NFATC3: variants seen among roughly 807,000 people sequenced by gnomAD.
NFATC3 encodes nuclear factor of activated T cells 3, also known as nuclear factor of activated T-cells, cytoplasmic 3.
NFATC3 carries 46 observed loss-of-function variants against 98.6 expected under a neutral mutation model. The observed-to-expected ratio is 0.47, with a 90% CI of 0.37 to 0.60. The LOEUF (loss-of-function observed/expected upper bound fraction) is 0.60. Among genes scored for constraint, NFATC3 ranks in the 20% least tolerant of loss-of-function variants. The pLI is 0.00. For missense variants in NFATC3, 1,256 were observed against 1,295.5 expected (o/e 0.97, Z 0.47); for synonymous variants, 512 against 472.2 (o/e 1.08, Z -1.09).
intron 8 of NFATC3, among the ~76,000 whole-genome samples, chr16:68,184,045 A>G (rs1375109821): frequency 6.6e-6 from 1 of 151,942 alleles, no homozygotes; most frequent in Non-Finnish European, 1.5e-5. Context: ...TTTAACAGAA[A>G]GGTAACATGA....
At chr16:68,221,663 T>G (rs944421603) in intron 9 of NFATC3, 2 of 826,984 alleles carry the variant, frequency 2.4e-6, no homozygotes, top group Non-Finnish European at 2.9e-6. Context: ...TAGTATAATG[T>G]ATAGTTGAGT....
chr16:68,123,176 G>T, intron 2 of NFATC3, 55 bp downstream of exon 2: 1 of 1,513,304 alleles, frequency 6.6e-7, no homozygotes, highest in Non-Finnish European at 8.8e-7. Context: ...GTCATTGGTG[G>T]CATATAACTA....
chr16:68,208,765 A>AT (rs1357875531), intron 9 of NFATC3, among the ~76,000 whole-genome samples: 2 of 151,780 alleles, frequency 1.3e-5, no homozygotes, highest in Non-Finnish European at 2.9e-5. Context: ...TGTTTTCTTA[A>AT]TTTTTTTTGG....
intron 1 of NFATC3, among the ~76,000 whole-genome samples, chr16:68,121,168 T>TC (rs1273428084): frequency 6.7e-6 from 1 of 150,114 alleles, no homozygotes; most frequent in Admixed American, 6.7e-5. Flanking sequence ...CTGTGTCCCC[T>TC]CCCCCTTTTT....
intron 9 of NFATC3, among the ~76,000 whole-genome samples, chr16:68,196,213 A>G (rs1439797155): frequency 6.6e-6 from 1 of 151,672 alleles, no homozygotes; most frequent in Non-Finnish European, 1.5e-5. Flanking sequence ...TCTACCTACC[A>G]GGTTCAAGAG....
chr16:68,111,480 T>C (rs968418606), intron 1 of NFATC3, among the ~76,000 whole-genome samples: 1 of 152,186 alleles, frequency 6.6e-6, no homozygotes, highest in African/African-American at 2.4e-5. Flanking sequence ...GCTTTGTAAA[T>C]TTTCCTCCAT....
chr16:68,136,081 AG>A (rs1418284482), intron 3 of NFATC3, among the ~76,000 whole-genome samples: 3 of 152,308 alleles, frequency 2.0e-5, no homozygotes, highest in African/African-American at 7.2e-5. Flanking sequence ...AAAAGAAGAA[AG>A]AAAGAAAAAT....
intron 8 of NFATC3, among the ~76,000 whole-genome samples, chr16:68,185,788 G>A (rs902681037): frequency 9.3e-5 from 14 of 151,040 alleles, no homozygotes; most frequent in African/African-American, 2.7e-4. Context: ...GCATGAACCC[G>A]GGAGGTGGAG....
At chr16:68,125,051 G>C (rs1470347622) in intron 2 of NFATC3, among the ~76,000 whole-genome samples, 1 of 152,144 alleles carries the variant, frequency 6.6e-6, no homozygotes, top group Admixed American at 6.5e-5. Flanking sequence ...TCATTAGTGT[G>C]AATCTTTATT....
chr16:68,226,349 G>A lies in NFATC3; in HGVS notation c.3107-1G>A. The A allele has an allele frequency of 6.4e-7, 1 of 1,571,222 alleles. No homozygotes were observed. The highest frequency in any genetic ancestry group is 2.0e-5 in the Admixed American group (1 of 50,860). ...TCACTCTCCCTTTTCTTGTTTTTCA[G>A]TGAACGAGATAATTGGGAGAGACAT... is the stretch of plus-strand genomic sequence containing the variant. On this transcript the variant is annotated splice_acceptor_variant, in intron 9 of 9. Coordinates refer to ENST00000346183, the MANE Select transcript of NFATC3 (RefSeq NM_173165.3). LOFTEE classifies it high-confidence loss of function.
At chr16:68,178,319 C>T (rs1214598011) in intron 6 of NFATC3, among the ~76,000 whole-genome samples, 1 of 152,178 alleles carries the variant, frequency 6.6e-6, no homozygotes, top group East Asian at 1.9e-4. Flanking sequence ...TCTCTTTGAG[C>T]TGGAAGTATG....
chr16:68,217,324 C>T (rs937908726), intron 9 of NFATC3, among the ~76,000 whole-genome samples: 2 of 151,624 alleles, frequency 1.3e-5, no homozygotes, highest in Admixed American at 1.3e-4. Flanking sequence ...CCCAGCTACT[C>T]GGGAGGCTGA....
intron 3 of NFATC3, among the ~76,000 whole-genome samples, chr16:68,140,255 G>T (rs1464788924): frequency 6.6e-6 from 1 of 152,114 alleles, no homozygotes; most frequent in Non-Finnish European, 1.5e-5. Flanking sequence ...CCCACGTTGG[G>T]ATTACTGGCA....
intron 3 of NFATC3, chr16:68,138,417 C>A: frequency 1.1e-6 from 1 of 885,090 alleles, no homozygotes; most frequent in Non-Finnish European, 1.5e-6. Context: ...GGTAGCCTAA[C>A]TACTGTAACT....
intron 3 of NFATC3, among the ~76,000 whole-genome samples, chr16:68,151,676 TATC>T (rs1042826552): frequency 4.6e-5 from 7 of 152,278 alleles, no homozygotes; most frequent in African/African-American, 1.7e-4. Flanking sequence ...GCACCCCACT[TATC>T]ATGTTGACAA....
At chr16:68,221,632 T>G (rs1037872802) in intron 9 of NFATC3, 2 of 1,024,044 alleles carry the variant, frequency 2.0e-6, no homozygotes, top group Non-Finnish European at 2.4e-6. Flanking sequence ...TGCTGGTGAA[T>G]TCATAAATAA....
chr16:68,163,836 G>T (rs1230384003), intron 4 of NFATC3, among the ~76,000 whole-genome samples: 5 of 151,236 alleles, frequency 3.3e-5, no homozygotes, highest in Non-Finnish European at 7.4e-5. Context: ...TCACTTCCTA[G>T]ATGGGATGGC....
chr16:68,175,085 T>C (rs897307521), intron 6 of NFATC3, among the ~76,000 whole-genome samples: 1 of 152,242 alleles, frequency 6.6e-6, no homozygotes, highest in Non-Finnish European at 1.5e-5. Context: ...GGAATATTAC[T>C]TGGTTATAAA....
At chr16:68,203,244 C>T (rs772226043) in intron 9 of NFATC3, among the ~76,000 whole-genome samples, 4 of 152,178 alleles carry the variant, frequency 2.6e-5, no homozygotes, top group Non-Finnish European at 4.4e-5. Context: ...ATATCGAATG[C>T]GTCTGTGTAT....
Sources: gnomAD v4.1 joint callset for allele counts (sites outside exome capture counted in the v4.1 genomes callset) on GRCh38, gnomAD v4.1.1 for gene constraint, MANE v1.5 for transcripts, NCBI Gene and HGNC (gene_info 2026-07-23, HGNC 2026-07-21) for gene names.